PBX3: variants seen among roughly 807,000 people sequenced by gnomAD.
PBX3 encodes the protein PBX homeobox 3.
A neutral mutation model predicts 48.5 loss-of-function variants in PBX3; 14 were observed. That is an observed-to-expected ratio of 0.29 (90% CI 0.19 to 0.45). The LOEUF (loss-of-function observed/expected upper bound fraction) is 0.45, where lower values mean the gene tolerates loss of function less well. Among genes scored for constraint, PBX3 ranks in the 20% least tolerant of loss-of-function variants. The pLI, the probability that PBX3 is intolerant of heterozygous loss-of-function variation, is 1.00. For missense variants in PBX3, 386 were observed against 546.7 expected (o/e 0.71, Z 2.93); for synonymous variants, 210 against 200.3 (o/e 1.05, Z -0.41).
At chr9:125,773,278 G>C (rs553839659) in intron 2 of PBX3, among the ~76,000 whole-genome samples, 1 of 152,304 alleles carries the variant, frequency 6.6e-6, no homozygotes, top group Admixed American at 6.5e-5. Flanking sequence ...TAGGCGATTG[G>C]TTGGAGAATT....
At chr9:125,775,149 G>C (rs1837038204) in intron 2 of PBX3, among the ~76,000 whole-genome samples, 1 of 152,216 alleles carries the variant, frequency 6.6e-6, no homozygotes, top group Admixed American at 6.5e-5. Flanking sequence ...TTACAGGCAT[G>C]AGCCACTGTG....
chr9:125,876,375 C>T (rs1394606664), intron 2 of PBX3, among the ~76,000 whole-genome samples: 1 of 152,188 alleles, frequency 6.6e-6, no homozygotes, highest in Non-Finnish European at 1.5e-5. Context: ...TTTCCTTCCA[C>T]CTCTGCCACT....
At chr9:125,925,642 G>C (rs534896510) in intron 3 of PBX3, among the ~76,000 whole-genome samples, 2 of 152,082 alleles carry the variant, frequency 1.3e-5, no homozygotes, top group African/African-American at 4.8e-5. Flanking sequence ...TGGTAGAGAC[G>C]GAGTTTCACC....
chr9:125,899,143 A>G (rs1588274160), intron 2 of PBX3, among the ~76,000 whole-genome samples: 1 of 149,102 alleles, frequency 6.7e-6, no homozygotes, highest in Non-Finnish European at 1.5e-5. Flanking sequence ...CTTTTATGTC[A>G]TATGCTAGTT....
At chr9:125,933,196 G>A (rs183743248) in intron 4 of PBX3, among the ~76,000 whole-genome samples, 3 of 152,362 alleles carry the variant, frequency 2.0e-5, no homozygotes, top group East Asian at 3.9e-4. Context: ...AAGGGGCTCT[G>A]CTCTAGGCAA....
intron 4 of PBX3, among the ~76,000 whole-genome samples, chr9:125,935,126 A>C (rs1841806718): frequency 6.6e-6 from 1 of 152,152 alleles, no homozygotes; most frequent in Non-Finnish European, 1.5e-5. Context: ...TTTCTGTTTC[A>C]GAACTCTTCC....
rs1478264284 is a variant in PBX3 at position 125,790,344 on chromosome 9, C to A, written c.274+41721C>A. Among the ~76,000 whole-genome samples, 22 of 151,946 alleles carry A rather than the reference C, an allele frequency of 1.4e-4. No individual in the cohort carries two copies. In the East Asian group the frequency reaches 4.3e-3, roughly 29 times the overall value. On this transcript the variant is annotated intron_variant, in intron 2 of 8. Coordinates refer to ENST00000373489, the MANE Select transcript of PBX3 (RefSeq NM_006195.6). The stretch of plus-strand genomic sequence containing the variant: ...CTCAGCTCACTGCAACCTCTACCTC[C>A]CGGGTTCAAGTGATTCTCGTGCTTC...
chr9:125,921,635 T>C (rs1841459700), intron 3 of PBX3, among the ~76,000 whole-genome samples: 1 of 152,166 alleles, frequency 6.6e-6, no homozygotes, highest in Admixed American at 6.5e-5. Context: ...TATTTCATCT[T>C]TGTGGTTGTT....
intron 2 of PBX3, among the ~76,000 whole-genome samples, chr9:125,850,483 T>TTA (rs1839549310): frequency 6.6e-6 from 1 of 152,024 alleles, no homozygotes. Context: ...AATTATGATG[T>TTA]TATATATATT....
intron 2 of PBX3, among the ~76,000 whole-genome samples, chr9:125,813,851 T>G: frequency 6.6e-6 from 1 of 150,888 alleles, no homozygotes; most frequent in East Asian, 2.0e-4. Context: ...AATGAAAAGA[T>G]CTAGAGAAAT....
chr9:125,882,634 C>T (rs1052930674), intron 2 of PBX3, among the ~76,000 whole-genome samples: 8 of 152,156 alleles, frequency 5.3e-5, no homozygotes, highest in African/African-American at 1.9e-4. Context: ...TTATTCTTTC[C>T]TCTTAAGACT....
intron 2 of PBX3, among the ~76,000 whole-genome samples, chr9:125,780,632 G>A (rs1246996933): frequency 5.1e-5 from 7 of 137,452 alleles, no homozygotes; most frequent in African/African-American, 1.4e-4. Context: ...GCGGCTGGCC[G>A]GGCGGGGGGC....
intron 2 of PBX3, among the ~76,000 whole-genome samples, chr9:125,770,535 G>T (rs952637055): frequency 6.6e-6 from 1 of 152,040 alleles, no homozygotes; most frequent in Non-Finnish European, 1.5e-5. Flanking sequence ...AGGAAAAAAT[G>T]ACCCCCAAAC....
intron 2 of PBX3, among the ~76,000 whole-genome samples, chr9:125,849,322 T>A (rs1839513870): frequency 6.6e-6 from 1 of 151,516 alleles, no homozygotes; most frequent in Admixed American, 6.6e-5. Flanking sequence ...TGTAGCAGCA[T>A]ATCCATAAGG....
At chr9:125,949,319 A>T (rs1842137599) in intron 5 of PBX3, 1 of 1,549,072 alleles carries the variant, frequency 6.5e-7, no homozygotes, top group Admixed American at 2.0e-5. Flanking sequence ...CATCTCAGGA[A>T]TGTTCATTAA....
At chr9:125,838,449 T>C (rs1407535011) in intron 2 of PBX3, among the ~76,000 whole-genome samples, 1 of 152,230 alleles carries the variant, frequency 6.6e-6, no homozygotes, top group African/African-American at 2.4e-5. Flanking sequence ...TACAAACTGC[T>C]TTCCATTTGT....
chr9:125,883,563 A>G (rs940655022), intron 2 of PBX3, among the ~76,000 whole-genome samples: 7 of 152,210 alleles, frequency 4.6e-5, no homozygotes, highest in African/African-American at 1.4e-4. Flanking sequence ...ATTAAAATCA[A>G]ATGGTTTCCA....
chr9:125,817,412 T>C lies in PBX3; in HGVS notation c.274+68789T>C, dbSNP rs551022630. Among the ~76,000 whole-genome samples the C allele has an allele frequency of 1.8e-4, 27 of 152,318 alleles. No homozygotes were observed. In the South Asian group the frequency reaches 5.4e-3, roughly 30 times the overall value. ...GTGGACTAGAGGTACTTGTGACTTA[T>C]GTGATGATGTATTTTTTTGCTTATA... On this transcript the variant is annotated intron_variant, in intron 2 of 8. Coordinates refer to ENST00000373489, the MANE Select transcript of PBX3 (RefSeq NM_006195.6).
intron 2 of PBX3, among the ~76,000 whole-genome samples, chr9:125,867,227 TA>T (rs548105913): frequency 1.0e-3 from 152 of 146,434 alleles, no homozygotes; most frequent in East Asian, 4.6e-3. Context: ...CCTGAAGTAT[TA>T]AAAAAAAAAA....
Sources: allele counts gnomAD v4.1 joint callset (sites outside exome capture counted in the v4.1 genomes callset), GRCh38; gene constraint gnomAD v4.1.1; transcripts MANE v1.5; gene names NCBI Gene and HGNC (gene_info 2026-07-23, HGNC 2026-07-21).